EPS15: variants seen among roughly 807,000 people sequenced by gnomAD.
EPS15 encodes the protein epidermal growth factor receptor pathway substrate 15.
Under a neutral mutation model 113.8 loss-of-function variants are expected in EPS15, and 72 were observed. The ratio of observed to expected loss-of-function variants is 0.63; its 90% CI spans 0.52 to 0.77. The LOEUF (loss-of-function observed/expected upper bound fraction) is 0.77. EPS15 is among the 30% of genes least tolerant of loss of function. The pLI is 0.00. For missense variants in EPS15, 1,048 were observed against 1,045.8 expected (o/e 1.00, Z -0.03); for synonymous variants, 344 against 363.4 (o/e 0.95, Z 0.61).
At chr1:51,493,288 G>A (rs1245326857) in intron 1 of EPS15, among the ~76,000 whole-genome samples, 2 of 151,560 alleles carry the variant, frequency 1.3e-5, no homozygotes, top group Non-Finnish European at 2.9e-5. Context: ...GTGAACCCGG[G>A]AGGCGGAGCT....
At position 51,465,308 on chromosome 1, in the gene EPS15, A is replaced by C; in HGVS notation, c.328T>G (p.Leu110Val). Residue 110 changes from leucine to valine, a missense_variant, in exon 6 of 25, where the codon TTG (leucine) becomes GTG (valine). Leu to Val is a conservative substitution (Grantham distance 32). Coordinates refer to ENST00000371733, the MANE Select transcript of EPS15 (RefSeq NM_001981.3). ...PPRFHDTSSP[L>V]LISGTSAAEL... ...GCTGCAGAGGTTCCACTGATTAGCAAAGGACTACTGGTATCATGCTATAGA... is the reference window on the plus strand; with the variant it reads ...GCTGCAGAGGTTCCACTGATTAGCACAGGACTACTGGTATCATGCTATAGA... 6.2e-7 allele frequency: 1 copy of C among 1,611,098 alleles called. No homozygotes were observed. The highest frequency in any genetic ancestry group is 8.5e-7 in the Non-Finnish European group (1 of 1,177,786).
At position 51,516,093 on chromosome 1, in the gene EPS15, T is replaced by C. The variant is rs377352501; in HGVS notation, c.33+3106A>G. Among the ~76,000 whole-genome samples the C allele has an allele frequency of 3.9e-5, 6 of 152,256 alleles. No homozygotes were observed. The East Asian group carries it at 5.8e-4, about 15-fold the overall frequency. ...TTTCTCCCTCAGGTTTTACTTCTCA[T>C]TGACAAGAAGTAAACAGAACACCTA... On this transcript the variant is annotated intron_variant, in intron 1 of 24. Transcript: ENST00000371733.
At chr1:51,501,581 C>T (rs1166187901) in intron 1 of EPS15, among the ~76,000 whole-genome samples, 7 of 151,694 alleles carry the variant, frequency 4.6e-5, no homozygotes, top group Admixed American at 3.3e-4. Context: ...CGGGTTCAAG[C>T]GATTCTCCTG....
intron 24 of EPS15, among the ~76,000 whole-genome samples, chr1:51,359,714 C>T (rs61782074): frequency 0.24 from 36,391 of 150,244 alleles, 5,833 homozygotes; most frequent in Middle Eastern, 0.38. Flanking sequence ...GCCAAGATCG[C>T]GCCTCCAGCC....
At chr1:51,376,368 A>C (rs939688202) in intron 21 of EPS15, among the ~76,000 whole-genome samples, 1 of 152,226 alleles carries the variant, frequency 6.6e-6, no homozygotes, top group Non-Finnish European at 1.5e-5. Context: ...ATTTCTTTCA[A>C]AATACTCCTG....
In EPS15 at chr1:51,381,013, A is replaced by C. The variant is rs1247726266; in HGVS notation, c.2119+13368T>G. ...TAACATTTATAAACATACATGCACC[A>C]AACATGCTTCTTCAATATATACATT... is the stretch of plus-strand genomic sequence containing the variant. On this transcript the variant is annotated intron_variant, in intron 21 of 24. Transcript: ENST00000371733. Among the ~76,000 whole-genome samples, 3 of 152,236 alleles carry C rather than the reference A, an allele frequency of 2.0e-5. No homozygotes were observed. The East Asian group carries it at 5.8e-4, about 29-fold the overall frequency.
At chr1:51,448,459 T>C (rs1029094728) in intron 8 of EPS15, among the ~76,000 whole-genome samples, 3 of 151,786 alleles carry the variant, frequency 2.0e-5, no homozygotes, top group African/African-American at 4.8e-5. Flanking sequence ...CCCTAATATA[T>C]AGAGCTCCTA....
chr1:51,416,741 G>T (rs1650255744), intron 13 of EPS15, among the ~76,000 whole-genome samples: 1 of 151,792 alleles, frequency 6.6e-6, no homozygotes, highest in African/African-American at 2.4e-5. Flanking sequence ...TACTTTAAAA[G>T]TTATCTGAAA....
intron 12 of EPS15, among the ~76,000 whole-genome samples, chr1:51,435,993 T>C (rs1652120106): frequency 6.6e-6 from 1 of 152,122 alleles, no homozygotes; most frequent in Non-Finnish European, 1.5e-5. Context: ...GGTGGTATGT[T>C]GAAGTAAGAG....
chr1:51,438,454 T>C (rs1652331607), intron 12 of EPS15, among the ~76,000 whole-genome samples: 1 of 152,198 alleles, frequency 6.6e-6, no homozygotes, highest in South Asian at 2.1e-4. Flanking sequence ...TAAGAGCATT[T>C]TTTCTATGAT....
At chr1:51,412,370 TATA>T (rs953793589) in intron 13 of EPS15, among the ~76,000 whole-genome samples, 19 of 152,144 alleles carry the variant, frequency 1.2e-4, no homozygotes, top group Admixed American at 8.5e-4. Flanking sequence ...GAACTTAAAG[TATA>T]ATAATAATAA....
At chr1:51,402,085 C>T (rs751045605) in intron 18 of EPS15, among the ~76,000 whole-genome samples, 3 of 152,272 alleles carry the variant, frequency 2.0e-5, no homozygotes, top group Admixed American at 6.5e-5. Context: ...TGCAGTGAGC[C>T]GAGATTGTGC....
intron 7 of EPS15, 94 bp downstream of exon 7, chr1:51,463,579 T>C: frequency 1.6e-6 from 1 of 637,016 alleles, no homozygotes; most frequent in Non-Finnish European, 2.5e-6. Flanking sequence ...ATAAGATTTG[T>C]ATATTTTTAA....
chr1:51,413,801 T>G (rs1013689701), intron 13 of EPS15, among the ~76,000 whole-genome samples: 7 of 152,194 alleles, frequency 4.6e-5, no homozygotes, highest in African/African-American at 1.4e-4. Context: ...CAGGCTAGAA[T>G]GCAGTGGTAT....
intron 1 of EPS15, among the ~76,000 whole-genome samples, chr1:51,515,420 C>A (rs1273400480): frequency 6.6e-6 from 1 of 151,896 alleles, no homozygotes; most frequent in East Asian, 1.9e-4. Flanking sequence ...ATGCAGTGAG[C>A]CTGATCATGC....
chr1:51,432,154 A>G (rs1207199223), intron 12 of EPS15, among the ~76,000 whole-genome samples: 1 of 152,224 alleles, frequency 6.6e-6, no homozygotes, highest in Non-Finnish European at 1.5e-5. Context: ...CTTTCCAAAG[A>G]CAGACTATAA....
Position 51,405,947 on chromosome 1 carries a change from G to A in EPS15, c.1635C>T (p.Gly545=), listed in dbSNP as rs1649082272. Residue 545 remains glycine, a synonymous_variant, in exon 16 of 25, where the codon GGC becomes GGT. Transcript: ENST00000371733. Reference sequence around the variant, plus strand: ...TGGGCTCAGACTCTAGGTTGCTCTGGCCTTCAACATGTTCATTAAGGTTGG... The same window carrying A: ...TGGGCTCAGACTCTAGGTTGCTCTGACCTTCAACATGTTCATTAAGGTTGG... ...ETANLNEHVE[G]QSNLESEPIH... The A allele has an allele frequency of 6.2e-7, 1 of 1,614,114 alleles. No individual in the cohort carries two copies. Among genetic ancestry groups the A allele is most frequent in the Non-Finnish European group, 8.5e-7 (1 of 1,180,006 alleles).
intron 13 of EPS15, among the ~76,000 whole-genome samples, chr1:51,418,426 G>T (rs1228596171): frequency 6.6e-6 from 1 of 151,990 alleles, no homozygotes; most frequent in African/African-American, 2.4e-5. Context: ...GATTATTCTT[G>T]GCCCTGGGGA....
Position 51,461,097 on chromosome 1 carries a change from A to T in EPS15, c.555T>A (p.Phe185Leu). Reference sequence around the variant, plus strand: ...AGAACATTAGATTACTTACAACTGCAAACTCATCTCTGTCAAGCATTCCAT... The same window carrying T: ...AGAACATTAGATTACTTACAACTGCTAACTCATCTCTGTCAAGCATTCCAT... The part of the protein sequence containing the change: ...DHDGMLDRDE[F>L]AVAMFLVYCA... The change falls in exon 8 of 25, where the codon TTT becomes TTA. Residue 185 changes from phenylalanine to leucine, a missense_variant. Phe to Leu is a conservative substitution (Grantham distance 22, BLOSUM62 0). Coordinates refer to ENST00000371733, the MANE Select transcript of EPS15 (RefSeq NM_001981.3). 1.3e-6 allele frequency: 2 copies of T among 1,593,190 alleles called. No homozygotes were observed. Among genetic ancestry groups the T allele is most frequent in the Non-Finnish European group, 1.7e-6 (2 of 1,160,936 alleles).
Sources: allele counts gnomAD v4.1 joint callset (sites outside exome capture counted in the v4.1 genomes callset), GRCh38; gene constraint gnomAD v4.1.1; transcripts MANE v1.5; gene names NCBI Gene and HGNC (gene_info 2026-07-23, HGNC 2026-07-21).